Variants in IGFL4 observed in about 807,000 individuals in gnomAD.
The protein encoded by IGFL4 is insulin growth factor-like family member 4.
A neutral mutation model predicts 15.4 loss-of-function variants in IGFL4; 12 were observed. The ratio of observed to expected loss-of-function variants is 0.78; its 90% confidence interval spans 0.50 to 1.26. The LOEUF (loss-of-function observed/expected upper bound fraction) is 1.26, where lower values mean the gene tolerates loss of function less well. Ranked by LOEUF, IGFL4 falls within the 50% of genes most tolerant of loss-of-function variation. The pLI, the probability that IGFL4 is intolerant of heterozygous loss-of-function variation, is 0.00. For missense variants in IGFL4, 126 were observed against 147.8 expected (o/e 0.85, Z 0.76); for synonymous variants, 54 against 55.9 (o/e 0.97, Z 0.16).
intron 2 of IGFL4, among the ~76,000 whole-genome samples, chr19:46,052,098 A>T (rs1969350288): frequency 6.6e-6 from 1 of 152,196 alleles, no homozygotes. Flanking sequence ...GTCAACAAAG[A>T]AACAATGGAC....
At chr19:46,060,823 A>G (rs994500581) in intron 1 of IGFL4, among the ~76,000 whole-genome samples, 1 of 152,212 alleles carries the variant, frequency 6.6e-6, no homozygotes, top group Non-Finnish European at 1.5e-5. Flanking sequence ...TGATTTTTGT[A>G]TCAAATAAGC....
chr19:46,060,891 T>G (rs1969438883), intron 1 of IGFL4, among the ~76,000 whole-genome samples: 1 of 152,206 alleles, frequency 6.6e-6, no homozygotes, highest in Admixed American at 6.5e-5. Flanking sequence ...TTAATAAAAT[T>G]TTATAGACAA....
Position 46,050,584 on chromosome 19 carries a change from C to T in IGFL4, c.-322-9474G>A, listed in dbSNP as rs1017170514. 3.9e-5 allele frequency among the ~76,000 whole-genome samples: 6 copies of T among 152,104 alleles called. No homozygotes were observed. In the East Asian group the frequency reaches 9.6e-4, roughly 24 times the overall value. On this transcript the variant is annotated intron_variant, in intron 2 of 5. Coordinates refer to the IGFL4 transcript ENST00000601672. ...AAGAAAGAACCTCAGAGCTTGAAGACAAGGCTTTCAAACTAACCCAATCCA... is the reference window on the plus strand; with the variant it reads ...AAGAAAGAACCTCAGAGCTTGAAGATAAGGCTTTCAAACTAACCCAATCCA...
At chr19:46,076,401 G>A (rs1969596010) in intron 1 of IGFL4, among the ~76,000 whole-genome samples, 1 of 152,118 alleles carries the variant, frequency 6.6e-6, no homozygotes, top group Non-Finnish European at 1.5e-5. Flanking sequence ...TGTGATCAAT[G>A]TGGGGTTATA....
intron 2 of IGFL4, among the ~76,000 whole-genome samples, chr19:46,052,866 G>GT (rs5828264): frequency 0.65 from 78,379 of 120,346 alleles, 25,955 homozygotes; most frequent in South Asian, 0.69. Context: ...ATGTTATCTC[G>GT]TTTTTTTTTT....
At chr19:46,060,614 G>A (rs927966333) in intron 1 of IGFL4, among the ~76,000 whole-genome samples, 3 of 152,138 alleles carry the variant, frequency 2.0e-5, no homozygotes, top group African/African-American at 4.8e-5. Flanking sequence ...TCAAAGATAC[G>A]ATTGACAAAG....
intron 1 of IGFL4, among the ~76,000 whole-genome samples, chr19:46,063,334 T>C (rs1969463138): frequency 1.4e-5 from 1 of 72,770 alleles, no homozygotes; most frequent in South Asian, 4.3e-4. Flanking sequence ...CACACACGCA[T>C]GCACACACAC....
At chr19:46,064,847 T>C (rs1969479833) in intron 1 of IGFL4, among the ~76,000 whole-genome samples, 1 of 152,212 alleles carries the variant, frequency 6.6e-6, no homozygotes. Flanking sequence ...CTATTTTTAG[T>C]TTTTTGAGGA....
chr19:46,052,220 G>A (rs1600672320), intron 2 of IGFL4, among the ~76,000 whole-genome samples: 1 of 152,096 alleles, frequency 6.6e-6, no homozygotes, highest in Non-Finnish European at 1.5e-5. Context: ...AATTAGCTTA[G>A]ACCATAAGAT....
In IGFL4 at chr19:46,039,874, C is replaced by A. The variant is rs762847196; in HGVS notation, c.*18G>T. ...TTAGATTCTAGAGTGATCTGTGACT[C>A]TGCTACCCCAGAACAGTCTAGATGA... is the stretch of plus-strand genomic sequence containing the variant. On this transcript the variant is annotated 3_prime_UTR_variant, in exon 4 of 4. Coordinates refer to ENST00000377697, the MANE Select transcript of IGFL4 (RefSeq NM_001002923.3). 10 of 1,596,266 alleles carry A rather than the reference C, an allele frequency of 6.3e-6. No homozygotes were observed. The highest frequency in any genetic ancestry group is 1.3e-5 in the African/African-American group (1 of 74,464).
At chr19:46,070,854 A>C (rs994775490) in intron 1 of IGFL4, among the ~76,000 whole-genome samples, 6 of 152,272 alleles carry the variant, frequency 3.9e-5, no homozygotes, top group Middle Eastern at 6.8e-3. Context: ...GGGTGTGTGC[A>C]AAGTGTTTTG....
At chr19:46,072,251 G>A (rs951214325) in intron 1 of IGFL4, among the ~76,000 whole-genome samples, 2 of 152,138 alleles carry the variant, frequency 1.3e-5, no homozygotes, top group African/African-American at 2.4e-5. Flanking sequence ...GTTTCCCAAC[G>A]GAAGTGCAAG....
chr19:46,067,830 C>G (rs1368193792), intron 1 of IGFL4, among the ~76,000 whole-genome samples: 1 of 152,196 alleles, frequency 6.6e-6, no homozygotes, highest in Non-Finnish European at 1.5e-5. Flanking sequence ...GAAACCAGAT[C>G]TGTGACATCA....
At position 46,040,386 on chromosome 19, in the gene IGFL4, G is replaced by T. The variant is rs1461575002; in HGVS notation, c.101C>A (p.Pro34His). 5.6e-6 allele frequency: 9 copies of T among 1,614,074 alleles called. No homozygotes were observed. Among genetic ancestry groups the T allele is most frequent in the Non-Finnish European group, 7.6e-6 (9 of 1,180,044 alleles). The change falls in exon 3 of 4, where the codon CCC (proline) becomes CAC (histidine). Residue 34 changes from proline (P) to histidine (H), a missense_variant. By Grantham distance (77) the Pro-to-His change is moderately conservative. Coordinates refer to ENST00000377697, the MANE Select transcript of IGFL4 (RefSeq NM_001002923.3). This position sits in a 1 kb window ranked among gnomAD's most constrained non-coding sequence, Gnocchi z 4.1. ...DLRLWLCQPA[P>H]RCGEWTYNPL... ...GTTGTAGGTCCACTCCCCGCACCTGGGCGCTGGCTGGCATAGCCACAGTCT... is the reference window on the plus strand; with the variant it reads ...GTTGTAGGTCCACTCCCCGCACCTGTGCGCTGGCTGGCATAGCCACAGTCT...
At chr19:46,041,837 CT>C (rs11334515), upstream of IGFL4, among the ~76,000 whole-genome samples, 47,226 of 109,630 alleles carry the variant, frequency 0.43, 9,092 homozygotes, top group East Asian at 0.65. Flanking sequence ...TCCTCTCTCT[CT>C]TTTTTTTTTT....
At position 46,040,733 on chromosome 19, in the gene IGFL4, A is replaced by G; in HGVS notation, c.20-165T>C. On this transcript the variant is annotated intron_variant, in intron 1 of 3. Transcript: ENST00000377697. This position sits in a 1 kb window ranked among gnomAD's most constrained non-coding sequence, Gnocchi z 4.1. ...TGGGGACTGGGCTTGGCAGGTGAGG[A>G]AAGGCAGGGAGGGCTCTGGGAAAAG... is the stretch of plus-strand genomic sequence containing the variant. The G allele has an allele frequency of 1.0e-6, 1 of 960,466 alleles. No individual in the cohort carries two copies. The highest frequency in any genetic ancestry group is 1.6e-6 in the Non-Finnish European group (1 of 616,014). The allele number at this position is 960,466 out of a possible 1,614,324, so 59.5% of individuals were successfully genotyped here.
At chr19:46,057,954 A>G (rs1476571146) in intron 2 of IGFL4, 1 of 152,158 alleles carries the variant, frequency 6.6e-6, no homozygotes, top group East Asian at 1.9e-4. Context: ...ACAATTCAAG[A>G]TGAGATTTGG....
chr19:46,071,369 G>A (rs993092000), intron 1 of IGFL4, among the ~76,000 whole-genome samples: 1 of 152,094 alleles, frequency 6.6e-6, no homozygotes, highest in African/African-American at 2.4e-5. Context: ...CCCTCTTTCT[G>A]GTTTCCAGTA....
rs749660572 is a variant in IGFL4 at position 46,040,999 on chromosome 19, G to T, written c.-37C>A. The T allele has an allele frequency of 1.7e-5, 27 of 1,557,944 alleles. No homozygotes were observed. The highest frequency in any genetic ancestry group is 2.3e-5 in the Non-Finnish European group (27 of 1,155,978). The stretch of plus-strand genomic sequence containing the variant: ...CAGAGCAGCGGACGAGGGAGCAGCA[G>T]TGGAAATGGGTCAGTGACTTTACAT... On this transcript the variant is annotated 5_prime_UTR_variant, in exon 1 of 4. It adds an upstream start codon to the 5' untranslated region. Coordinates refer to ENST00000377697, the MANE Select transcript of IGFL4 (RefSeq NM_001002923.3). The surrounding 1 kb of genome is among the most constrained non-coding windows in gnomAD (Gnocchi z 4.1).
Sources: allele counts gnomAD v4.1 joint callset (sites outside exome capture counted in the v4.1 genomes callset), GRCh38; gene constraint gnomAD v4.1.1; non-coding constraint Gnocchi (gnomAD v3.1); transcripts MANE v1.5; gene names NCBI Gene and HGNC (gene_info 2026-07-23, HGNC 2026-07-21).